COL5A2: variants seen among roughly 807,000 people sequenced by gnomAD.
COL5A2 encodes collagen alpha-2(V) chain.
Under a neutral mutation model 208.2 loss-of-function variants are expected in COL5A2, and 23 were observed. That is an observed-to-expected ratio of 0.11 (90% CI 0.08 to 0.16). The LOEUF (loss-of-function observed/expected upper bound fraction) is 0.16, where lower values mean the gene tolerates loss of function less well. Ranked by LOEUF, COL5A2 falls within the 10% of genes least tolerant of loss-of-function variation. The pLI is 1.00. For synonymous variants in COL5A2, 625 were observed against 628.5 expected (o/e 0.99, Z 0.08); for missense variants, 1,590 against 1,956.4 (o/e 0.81, Z 3.53).
At chr2:189,385,535 AT>A in the COL5A2 span, among the ~76,000 whole-genome samples, 1 of 152,196 alleles carries the variant, frequency 6.6e-6, no homozygotes, top group Non-Finnish European at 1.5e-5. Context: ...TATCATTAAA[AT>A]TGCCATACTC....
Position 189,033,607 on chromosome 2 carries a change from G to A in COL5A2, c.*463C>T, listed in dbSNP as rs1446109050. The A allele has an allele frequency of 5.6e-6, 1 of 179,250 alleles. No individual in the cohort carries two copies. The highest frequency in any genetic ancestry group is 1.4e-4 in the East Asian group (1 of 7,204). 11.1% of individuals were successfully genotyped at this position (179,250 alleles called of 1,614,324 possible). ...TTTTTAATTGACAATCTTGGAATGAGAGGTCACAAAAGGGCACTAATTTCT... is the reference window on the plus strand; with the variant it reads ...TTTTTAATTGACAATCTTGGAATGAAAGGTCACAAAAGGGCACTAATTTCT... On this transcript the variant is annotated 3_prime_UTR_variant, in exon 54 of 54. Transcript: ENST00000374866.
chr2:189,143,042 G>T (rs1687965945), intron 1 of COL5A2, among the ~76,000 whole-genome samples: 2 of 151,950 alleles, frequency 1.3e-5, no homozygotes, highest in South Asian at 4.2e-4. Context: ...AAATTTCTAG[G>T]TGCTTAGCCT....
chr2:189,399,976 C>T, the COL5A2 span, among the ~76,000 whole-genome samples: 1 of 152,188 alleles, frequency 6.6e-6, no homozygotes, highest in Admixed American at 6.5e-5. Flanking sequence ...GCTGAAATTA[C>T]AGGTGTGAGC....
At chr2:189,227,990 C>T (rs1689440032), upstream of COL5A2, among the ~76,000 whole-genome samples, 1 of 151,850 alleles carries the variant, frequency 6.6e-6, no homozygotes, top group African/African-American at 2.4e-5. Context: ...CTCTTCTGAT[C>T]ACAATAGAAT....
the COL5A2 span, among the ~76,000 whole-genome samples, chr2:189,233,917 C>T: frequency 5.3e-5 from 8 of 151,614 alleles, no homozygotes; most frequent in Non-Finnish European, 1.0e-4. Flanking sequence ...ACCACATACC[C>T]CCATTGTAAG....
chr2:189,435,652 A>G, the COL5A2 span, among the ~76,000 whole-genome samples: 3 of 152,080 alleles, frequency 2.0e-5, no homozygotes, highest in Non-Finnish European at 1.5e-5. Context: ...AGTTAGAATG[A>G]CAATCATTAA....
At chr2:189,396,777 G>A in the COL5A2 span, among the ~76,000 whole-genome samples, 1 of 151,596 alleles carries the variant, frequency 6.6e-6, no homozygotes, top group Non-Finnish European at 1.5e-5. Flanking sequence ...CAGATCACCT[G>A]AGGGGAGGAG....
intron 1 of COL5A2, among the ~76,000 whole-genome samples, chr2:189,211,467 T>C (rs552009035): frequency 6.6e-6 from 1 of 152,208 alleles, no homozygotes; most frequent in Non-Finnish European, 1.5e-5. Context: ...ATCATTATCA[T>C]TATTATAGAA....
chr2:189,266,939 A>T, the COL5A2 span, among the ~76,000 whole-genome samples: 1 of 151,730 alleles, frequency 6.6e-6, no homozygotes, highest in Non-Finnish European at 1.5e-5. Context: ...AAAATCTCTA[A>T]AAATATTTGT....
intron 50 of COL5A2, among the ~76,000 whole-genome samples, chr2:189,040,054 CCTACTT>C (rs1425686318): frequency 6.6e-6 from 1 of 152,134 alleles, no homozygotes; most frequent in African/African-American, 2.4e-5. Flanking sequence ...GAATTATACT[CCTACTT>C]CTAAAAGAGA....
At chr2:189,378,840 T>C in the COL5A2 span, among the ~76,000 whole-genome samples, 4 of 152,144 alleles carry the variant, frequency 2.6e-5, no homozygotes, top group Non-Finnish European at 5.9e-5. Context: ...ATATGAAATA[T>C]GAGATACTAA....
intron 1 of COL5A2, among the ~76,000 whole-genome samples, chr2:189,139,679 A>G (rs541287666): frequency 6.6e-6 from 1 of 152,354 alleles, no homozygotes; most frequent in South Asian, 2.1e-4. Context: ...GATGTTAAGA[A>G]GAGGGAAAAT....
chr2:189,160,760 A>G (rs904051430), intron 1 of COL5A2, among the ~76,000 whole-genome samples: 7 of 152,130 alleles, frequency 4.6e-5, no homozygotes, highest in African/African-American at 1.4e-4. Context: ...GTTTTCTGCA[A>G]AACAATGCTA....
the COL5A2 span, among the ~76,000 whole-genome samples, chr2:189,290,610 GC>G: frequency 6.6e-6 from 1 of 151,954 alleles, no homozygotes; most frequent in South Asian, 2.1e-4. Flanking sequence ...GGGTGAATTT[GC>G]CATGAAAAAG....
the COL5A2 span, among the ~76,000 whole-genome samples, chr2:189,301,290 C>G: frequency 6.6e-6 from 1 of 152,132 alleles, no homozygotes; most frequent in African/African-American, 2.4e-5. Context: ...GTTAATTACA[C>G]TGGAACAACA....
chr2:189,290,888 T>G, the COL5A2 span, among the ~76,000 whole-genome samples: 1 of 152,074 alleles, frequency 6.6e-6, no homozygotes, highest in African/African-American at 2.4e-5. Context: ...GAGACCTTGA[T>G]GAATTAAGAA....
In COL5A2 at chr2:189,049,401, A is replaced by T. The variant is rs774102174; in HGVS notation, c.3093T>A (p.Pro1031=). ...TGGAGCCTGGGGGCCCCACAGGTCC[A>T]GGTGGACCTTTATCTCCTGTTGCAC... ...PTGATGDKGP[P]GPVGPPGSNG... is the part of the protein sequence containing the mutation. The change falls in exon 44 of 54, where the codon CCT becomes CCA. Residue 1031 remains proline (P), a synonymous_variant. Coordinates refer to ENST00000374866, the MANE Select transcript of COL5A2 (RefSeq NM_000393.5). 6.2e-7 allele frequency: 1 copy of T among 1,613,712 alleles called. No homozygotes were observed. Among genetic ancestry groups the T allele is most frequent in the Admixed American group, 1.7e-5 (1 of 60,010 alleles).
At chr2:189,350,537 T>C in the COL5A2 span, among the ~76,000 whole-genome samples, 2 of 152,084 alleles carry the variant, frequency 1.3e-5, no homozygotes, top group African/African-American at 2.4e-5. Context: ...CATTCCAAGG[T>C]GTGAAGGCCC....
chr2:189,314,152 T>C, the COL5A2 span, among the ~76,000 whole-genome samples: 5,613 of 152,204 alleles, frequency 0.037, 117 homozygotes, highest in Admixed American at 0.05. Context: ...TTATTCTCAT[T>C]ACTACATGGC....
Sources: gnomAD v4.1 joint callset for allele counts (sites outside exome capture counted in the v4.1 genomes callset) on GRCh38, gnomAD v4.1.1 for gene constraint, MANE v1.5 for transcripts, NCBI Gene and HGNC (gene_info 2026-07-23, HGNC 2026-07-21) for gene names.